ROBO2: variants seen among roughly 807,000 people sequenced by gnomAD.
The protein encoded by ROBO2 is roundabout guidance receptor 2, also known as roundabout homolog 2.
A neutral mutation model predicts 160.8 loss-of-function variants in ROBO2; 53 were observed. The ratio of observed to expected loss-of-function variants is 0.33; its 90% CI spans 0.26 to 0.41. ROBO2 has a LOEUF of 0.41. ROBO2 is among the 10% of genes least tolerant of loss of function. The pLI is 1.00. For synonymous variants in ROBO2, 664 were observed against 611.7 expected (o/e 1.09, Z -1.26); for missense variants, 1,577 against 1,722.4 (o/e 0.92, Z 1.49).
chr3:77,530,891 T>G (rs775753), intron 6 of ROBO2, among the ~76,000 whole-genome samples: 2 of 151,902 alleles, frequency 1.3e-5, no homozygotes, highest in South Asian at 4.1e-4. Flanking sequence ...TGGTCTAAAT[T>G]GGGAAAAATA....
intron 2 of ROBO2, among the ~76,000 whole-genome samples, chr3:76,693,619 C>T (rs538071173): frequency 2.6e-4 from 39 of 152,096 alleles, no homozygotes; most frequent in East Asian, 1.4e-3. Context: ...CATGACATAG[C>T]GCAGTCCAAG....
At position 76,875,933 on chromosome 3, in the gene ROBO2, C is replaced by T. The variant is rs146446879; in HGVS notation, c.110-222081C>T. Among the ~76,000 whole-genome samples, 12 of 152,172 alleles carry T rather than the reference C, an allele frequency of 7.9e-5. No homozygotes were observed. The East Asian group carries it at 1.5e-3, about 20-fold the overall frequency. On this transcript the variant is annotated intron_variant, in intron 2 of 26. Coordinates refer to the ROBO2 transcript ENST00000487694. ...CCTCCTAAAGTGCCAGAATTACAGG[C>T]GTGAGCTACCACACCTAGCCCTGCC...
chr3:77,057,896 C>A (rs114946246), intron 1 of ROBO2, among the ~76,000 whole-genome samples: 2 of 151,908 alleles, frequency 1.3e-5, no homozygotes, highest in East Asian at 3.9e-4. Context: ...ATGTGGCTGA[C>A]GGGTTGATAG....
intron 2 of ROBO2, among the ~76,000 whole-genome samples, chr3:76,995,362 T>C (rs557233756): frequency 8.5e-5 from 13 of 152,344 alleles, no homozygotes; most frequent in African/African-American, 3.1e-4. Context: ...GATGGACATT[T>C]GGGTGGGTTC....
chr3:76,172,294 G>C (rs765986234), intron 2 of ROBO2, among the ~76,000 whole-genome samples: 3 of 135,610 alleles, frequency 2.2e-5, no homozygotes, highest in African/African-American at 5.3e-5. Context: ...GCTGTGGGGT[G>C]GGGGGAGGGA....
chr3:77,264,197 A>G (rs932074233), intron 2 of ROBO2, among the ~76,000 whole-genome samples: 13 of 152,228 alleles, frequency 8.5e-5, no homozygotes, highest in African/African-American at 3.1e-4. Flanking sequence ...TTCTTCTAAA[A>G]GATTTTTAAA....
At chr3:77,278,183 C>A (rs913980305) in intron 2 of ROBO2, among the ~76,000 whole-genome samples, 2 of 152,088 alleles carry the variant, frequency 1.3e-5, no homozygotes, top group Admixed American at 6.6e-5. Flanking sequence ...AATATATATT[C>A]CATGAATGAG....
At chr3:76,458,946 G>C (rs1047372924) in intron 2 of ROBO2, among the ~76,000 whole-genome samples, 14 of 152,142 alleles carry the variant, frequency 9.2e-5, no homozygotes, top group African/African-American at 2.4e-5. Context: ...GTTTAGGTTT[G>C]GGGGAGACAC....
intron 2 of ROBO2, among the ~76,000 whole-genome samples, chr3:76,787,623 T>C (rs1212142787): frequency 6.6e-6 from 1 of 151,444 alleles, no homozygotes; most frequent in Non-Finnish European, 1.5e-5. Context: ...ATTCAATATA[T>C]ATTCAAAAAA....
At chr3:75,974,650 A>G (rs2065088869) in intron 2 of ROBO2, among the ~76,000 whole-genome samples, 1 of 151,552 alleles carries the variant, frequency 6.6e-6, no homozygotes, top group Non-Finnish European at 1.5e-5. Flanking sequence ...TTTTACTGTT[A>G]GCAGTTATTC....
chr3:76,679,045 TG>T (rs58943058), intron 2 of ROBO2, among the ~76,000 whole-genome samples: 3,015 of 152,270 alleles, frequency 0.02, 103 homozygotes, highest in African/African-American at 0.063. Context: ...ATTTGACAGA[TG>T]GGACAAGTAT....
At chr3:77,151,639 G>T (rs2150528991) in intron 2 of ROBO2, among the ~76,000 whole-genome samples, 1 of 152,182 alleles carries the variant, frequency 6.6e-6, no homozygotes, top group Middle Eastern at 3.4e-3. Context: ...TCACATTATG[G>T]CTTAAGTATT....
At chr3:77,390,285 C>T (rs1043052574) in intron 2 of ROBO2, among the ~76,000 whole-genome samples, 2 of 152,140 alleles carry the variant, frequency 1.3e-5, no homozygotes, top group African/African-American at 4.8e-5. Context: ...AAGTTCCAGT[C>T]AAGTACTCTG....
intron 2 of ROBO2, among the ~76,000 whole-genome samples, chr3:77,028,757 T>C (rs1383588304): frequency 1.3e-5 from 2 of 152,224 alleles, no homozygotes; most frequent in Non-Finnish European, 2.9e-5. Context: ...ATTTACCTTT[T>C]TCCTGGTCCT....
chr3:76,138,116 G>A (rs538082667), intron 2 of ROBO2, among the ~76,000 whole-genome samples: 51 of 151,916 alleles, frequency 3.4e-4, no homozygotes, highest in Middle Eastern at 3.4e-3. Flanking sequence ...AGATAGAAAC[G>A]TTTTTAGTCT....
intron 2 of ROBO2, among the ~76,000 whole-genome samples, chr3:76,836,507 A>C (rs1457794845): frequency 6.6e-6 from 1 of 151,120 alleles, no homozygotes; most frequent in Non-Finnish European, 1.5e-5. Flanking sequence ...ATTTGTTTTC[A>C]GTAGCTTCAT....
chr3:76,505,921 T>C (rs2080770805), intron 2 of ROBO2, among the ~76,000 whole-genome samples: 2 of 152,234 alleles, frequency 1.3e-5, no homozygotes, highest in African/African-American at 4.8e-5. Flanking sequence ...TTATATTTTA[T>C]ACACTTACAC....
intron 1 of ROBO2, among the ~76,000 whole-genome samples, chr3:75,936,654 CTA>C (rs1475407154): frequency 6.6e-6 from 1 of 152,084 alleles, no homozygotes; most frequent in African/African-American, 2.4e-5. Flanking sequence ...TTTTGCTTCA[CTA>C]TTCATTTTTG....
intron 2 of ROBO2, among the ~76,000 whole-genome samples, chr3:76,741,726 G>A (rs1278845189): frequency 6.6e-6 from 1 of 151,814 alleles, no homozygotes; most frequent in East Asian, 1.9e-4. Flanking sequence ...TTTATCCATG[G>A]CATGACTTCA....
Sources: allele counts gnomAD v4.1 joint callset (sites outside exome capture counted in the v4.1 genomes callset), GRCh38; gene constraint gnomAD v4.1.1; transcripts MANE v1.5; gene names NCBI Gene and HGNC (gene_info 2026-07-23, HGNC 2026-07-21).